Variants in EIF4G3 observed in about 807,000 individuals in gnomAD.
The protein encoded by EIF4G3 is eIF-4-gamma 3.
EIF4G3 carries 34 observed loss-of-function variants against 186.4 expected under a neutral mutation model. The ratio of observed to expected loss-of-function variants is 0.18; its 90% CI spans 0.14 to 0.24. The LOEUF is 0.24. Among genes scored for constraint, EIF4G3 ranks in the 10% least tolerant of loss-of-function variants. The pLI is 1.00. For missense variants in EIF4G3, 1,536 were observed against 1,948.5 expected (o/e 0.79, Z 3.99); for synonymous variants, 673 against 679.5 (o/e 0.99, Z 0.15).
At chr1:21,009,981 C>T (rs1302666474) in intron 4 of EIF4G3, among the ~76,000 whole-genome samples, 1 of 152,036 alleles carries the variant, frequency 6.6e-6, no homozygotes, top group Non-Finnish European at 1.5e-5. Context: ...TGCTACACAA[C>T]CAATGCAAAT....
At chr1:20,808,796 C>T (rs1391697507) in intron 36 of EIF4G3, among the ~76,000 whole-genome samples, 2 of 151,934 alleles carry the variant, frequency 1.3e-5, no homozygotes, top group Admixed American at 6.6e-5. Flanking sequence ...CCAAACTATC[C>T]GTGTGATTTT....
chr1:21,076,939 T>C (rs75005260), intron 3 of EIF4G3, among the ~76,000 whole-genome samples: 10,522 of 152,200 alleles, frequency 0.069, 627 homozygotes, highest in East Asian at 0.26. Flanking sequence ...ACTAGAGAAG[T>C]GGGATTATAT....
At chr1:20,866,345 T>C (rs1198338771) in intron 20 of EIF4G3, among the ~76,000 whole-genome samples, 1 of 152,200 alleles carries the variant, frequency 6.6e-6, no homozygotes, top group African/African-American at 2.4e-5. Context: ...CTCCAATGTA[T>C]TCCCTACGAT....
chr1:21,153,086 A>G (rs1390169742), intron 2 of EIF4G3, among the ~76,000 whole-genome samples: 1 of 152,238 alleles, frequency 6.6e-6, no homozygotes, highest in African/African-American at 2.4e-5. Context: ...TAGATTAAGA[A>G]ACTTTCAGGG....
At chr1:20,996,776 GA>G (rs945013566) in intron 7 of EIF4G3, among the ~76,000 whole-genome samples, 3 of 152,132 alleles carry the variant, frequency 2.0e-5, no homozygotes, top group Non-Finnish European at 2.9e-5. Flanking sequence ...CAAAGATGCA[GA>G]AAAAGACTTG....
At chr1:20,880,793 T>A (rs765096973) in intron 19 of EIF4G3, among the ~76,000 whole-genome samples, 1 of 152,056 alleles carries the variant, frequency 6.6e-6, no homozygotes, top group Non-Finnish European at 1.5e-5. Flanking sequence ...TATAAATCAC[T>A]GATGAAGGAA....
chr1:20,921,420 C>T (rs1376736953), intron 14 of EIF4G3, among the ~76,000 whole-genome samples: 1 of 152,178 alleles, frequency 6.6e-6, no homozygotes, highest in Middle Eastern at 3.2e-3. Context: ...GGTGTATCAG[C>T]TTAACCAACA....
intron 16 of EIF4G3, among the ~76,000 whole-genome samples, chr1:20,899,009 C>A (rs757633251): frequency 1.3e-5 from 2 of 152,136 alleles, no homozygotes; most frequent in Non-Finnish European, 2.9e-5. Flanking sequence ...GGATTACAGG[C>A]GTGAGCCACC....
At chr1:20,876,887 G>A (rs2081050134) in intron 20 of EIF4G3, among the ~76,000 whole-genome samples, 1 of 151,988 alleles carries the variant, frequency 6.6e-6, no homozygotes, top group Admixed American at 6.6e-5. Flanking sequence ...TAGTCAAGGA[G>A]GAGGACTGCT....
chr1:20,872,403 A>G (rs1253629137), intron 20 of EIF4G3, among the ~76,000 whole-genome samples: 2 of 152,112 alleles, frequency 1.3e-5, no homozygotes, highest in East Asian at 3.8e-4. Flanking sequence ...GATTATTGGC[A>G]TGAGCCACCA....
At chr1:20,815,393 A>T (rs1183814335) in intron 34 of EIF4G3, among the ~76,000 whole-genome samples, 1 of 130,548 alleles carries the variant, frequency 7.7e-6, no homozygotes, top group African/African-American at 2.9e-5. Flanking sequence ...TCTCTGCCTG[A>T]CCCGCCCATC....
At chr1:21,044,381 T>C (rs1194148412) in intron 4 of EIF4G3, among the ~76,000 whole-genome samples, 1 of 152,188 alleles carries the variant, frequency 6.6e-6, no homozygotes, top group African/African-American at 2.4e-5. Context: ...CTGCCTTAGA[T>C]GGACATGATG....
rs34156452 is a variant in EIF4G3 at position 20,942,336 on chromosome 1, GA to G, written c.824-7del. 59 of 1,524,192 alleles carry G rather than the reference GA, an allele frequency of 3.9e-5. No homozygotes were observed. The highest frequency in any genetic ancestry group is 9.1e-5 in the South Asian group (7 of 77,108). 94.4% of individuals were successfully genotyped at this position (1,524,192 alleles called of 1,614,324 possible). On this transcript the variant is annotated splice_region_variant and splice_polypyrimidine_tract_variant and intron_variant, in intron 13 of 36. Transcript: ENST00000602326. ...ATCTGGTTTTGGCTTCTCCTCTGGGGAAAAAAAAATAAGTTTTAAGAATAAT... is the reference window on the plus strand; with the variant it reads ...ATCTGGTTTTGGCTTCTCCTCTGGGGAAAAAAAATAAGTTTTAAGAATAAT...
chr1:20,943,429 C>A (rs1452385652), intron 13 of EIF4G3, among the ~76,000 whole-genome samples: 2 of 152,136 alleles, frequency 1.3e-5, no homozygotes, highest in Non-Finnish European at 2.9e-5. Flanking sequence ...CAATAATTAA[C>A]AATAATTTCC....
At chr1:21,158,220 G>A (rs2097697406) in intron 2 of EIF4G3, among the ~76,000 whole-genome samples, 1 of 135,616 alleles carries the variant, frequency 7.4e-6, no homozygotes, top group Admixed American at 8.2e-5. Context: ...CTGTCACCCA[G>A]GCTGGAGTGG....
At chr1:21,124,474 G>A (rs1407128603) in intron 2 of EIF4G3, among the ~76,000 whole-genome samples, 1 of 152,158 alleles carries the variant, frequency 6.6e-6, no homozygotes, top group Non-Finnish European at 1.5e-5. Context: ...AATCTAAAGG[G>A]TAGGCTTTAT....
chr1:20,891,344 T>C (rs2085960062), intron 18 of EIF4G3, among the ~76,000 whole-genome samples: 1 of 152,138 alleles, frequency 6.6e-6, no homozygotes, highest in Non-Finnish European at 1.5e-5. Context: ...CAGATGCTAT[T>C]ATCCACAGAA....
At chr1:21,142,692 C>CT (rs1486780123) in intron 2 of EIF4G3, among the ~76,000 whole-genome samples, 1 of 152,180 alleles carries the variant, frequency 6.6e-6, no homozygotes. Context: ...ACTTCATACT[C>CT]TGACATACTT....
chr1:20,963,361 T>C (rs887055020), intron 12 of EIF4G3, among the ~76,000 whole-genome samples: 10 of 141,558 alleles, frequency 7.1e-5, no homozygotes, highest in African/African-American at 2.5e-4. Context: ...ACCCATTTTG[T>C]TCAAGGGTCA....
Sources: gnomAD v4.1 joint callset for allele counts (sites outside exome capture counted in the v4.1 genomes callset) on GRCh38, gnomAD v4.1.1 for gene constraint, MANE v1.5 for transcripts, NCBI Gene and HGNC (gene_info 2026-07-23, HGNC 2026-07-21) for gene names.